The following EIF4G3 variants were observed in gnomAD, a reference collection of about 807,000 sequenced individuals.
EIF4G3 encodes the protein eukaryotic translation initiation factor 4 gamma 3, also known as eIF-4-gamma 3.
A neutral mutation model predicts 186.4 loss-of-function variants in EIF4G3; 34 were observed. That is an observed-to-expected ratio of 0.18 (90% CI 0.14 to 0.24). The LOEUF (loss-of-function observed/expected upper bound fraction) is 0.24, where lower values mean the gene tolerates loss of function less well. Ranked by LOEUF, EIF4G3 falls within the 10% of genes least tolerant of loss-of-function variation. EIF4G3 has a pLI of 1.00. For missense variants in EIF4G3, 1,536 were observed against 1,948.5 expected (o/e 0.79, Z 3.99); for synonymous variants, 673 against 679.5 (o/e 0.99, Z 0.15).
chr1:20,884,391 G>A (rs928094437), intron 19 of EIF4G3, among the ~76,000 whole-genome samples: 2 of 152,058 alleles, frequency 1.3e-5, no homozygotes, highest in Admixed American at 1.3e-4. Context: ...GAAAAAAAAG[G>A]ATAACATCTA....
chr1:20,838,051 T>C (rs2067275859), intron 30 of EIF4G3, among the ~76,000 whole-genome samples: 1 of 152,204 alleles, frequency 6.6e-6, no homozygotes, highest in Non-Finnish European at 1.5e-5. Context: ...GTTAACCTCA[T>C]TTTATGTCTA....
Position 21,079,641 on chromosome 1 carries a change from GCTA to G in EIF4G3, c.-196+9494_-196+9496del, listed in dbSNP as rs2095701886. ...TGAGGCTGCAGCGAGCCATGACTGA[GCTA>G]CTACACTCCAGCCTGGATGACACAG... is the stretch of plus-strand genomic sequence containing the variant. On this transcript the variant is annotated intron_variant, in intron 3 of 36. Transcript: ENST00000602326. Among the ~76,000 whole-genome samples the G allele has an allele frequency of 5.3e-5, 8 of 150,826 alleles. No individual in the cohort carries two copies. In the Admixed American group the frequency reaches 5.3e-4, roughly 10 times the overall value.
intron 4 of EIF4G3, among the ~76,000 whole-genome samples, chr1:21,006,885 A>G (rs1441522647): frequency 6.6e-6 from 1 of 152,196 alleles, no homozygotes; most frequent in Non-Finnish European, 1.5e-5. Context: ...TAAGCTAACA[A>G]AAATAATTAT....
At position 21,114,879 on chromosome 1, in the gene EIF4G3, T is replaced by C. The variant is rs186162823; in HGVS notation, c.-271-25666A>G. Among the ~76,000 whole-genome samples, 9 of 152,286 alleles carry C rather than the reference T, an allele frequency of 5.9e-5. No homozygotes were observed. In the East Asian group the frequency reaches 1.5e-3, roughly 26 times the overall value. ...TGCTAAGGTGCCAGCAGCAAATCAA[T>C]TGTGCAAGTCACTTTGCTTATGCCT... On this transcript the variant is annotated intron_variant, in intron 2 of 36. Transcript: ENST00000602326.
intron 4 of EIF4G3, among the ~76,000 whole-genome samples, chr1:21,008,765 TG>T (rs1362454885): frequency 2.0e-5 from 3 of 152,216 alleles, no homozygotes; most frequent in African/African-American, 7.2e-5. Context: ...TTTAATGACA[TG>T]GAATGAGTAA....
chr1:20,899,973 T>A, intron 15 of EIF4G3, 30 bp from the exon 16 acceptor site: 1 of 1,585,124 alleles, frequency 6.3e-7, no homozygotes, highest in Non-Finnish European at 8.5e-7. Context: ...AGAGGTTACA[T>A]TTTTTTCCAC....
chr1:21,125,278 C>G (rs2097009037), intron 2 of EIF4G3, among the ~76,000 whole-genome samples: 1 of 152,058 alleles, frequency 6.6e-6, no homozygotes, highest in Admixed American at 6.6e-5. Context: ...GATAAAGTTA[C>G]TGGGAAACGA....
intron 2 of EIF4G3, among the ~76,000 whole-genome samples, chr1:21,171,245 CTATTA>C (rs1321509876): frequency 6.6e-6 from 1 of 152,150 alleles, no homozygotes; most frequent in Admixed American, 6.5e-5. Flanking sequence ...AGTTACTTTC[CTATTA>C]TATTAGCTCA....
At chr1:20,922,578 T>C (rs909072197) in intron 14 of EIF4G3, among the ~76,000 whole-genome samples, 3 of 152,236 alleles carry the variant, frequency 2.0e-5, no homozygotes, top group African/African-American at 7.2e-5. Context: ...ATTACAGGCA[T>C]GAGCCACCAC....
chr1:21,149,053 G>A (rs2097506054), intron 2 of EIF4G3, among the ~76,000 whole-genome samples: 1 of 151,204 alleles, frequency 6.6e-6, no homozygotes. Context: ...CTATGATCAT[G>A]CCATTGTACT....
intron 7 of EIF4G3, among the ~76,000 whole-genome samples, chr1:20,993,756 T>G (rs765252058): frequency 2.0e-5 from 3 of 152,212 alleles, no homozygotes; most frequent in Non-Finnish European, 4.4e-5. Context: ...AAAAAACCAT[T>G]TCTGCCTTCA....
Position 20,935,183 on chromosome 1 carries a change from G to A in EIF4G3, c.1663+6308C>T, listed in dbSNP as rs536386913. Among the ~76,000 whole-genome samples the A allele has an allele frequency of 3.9e-5, 6 of 152,246 alleles. No homozygotes were observed. In the South Asian group the frequency reaches 8.3e-4, roughly 21 times the overall value. On this transcript the variant is annotated intron_variant, in intron 14 of 36. Coordinates refer to ENST00000602326, the MANE Select transcript of EIF4G3 (RefSeq NM_001391906.1). ...TCTGAAAGATTAATAGAAACATGAC[G>A]TATAAAGGAAGGGGCTGTAATTCTC... is the stretch of plus-strand genomic sequence containing the variant.
At chr1:21,053,437 C>CT (rs1157155942) in intron 3 of EIF4G3, among the ~76,000 whole-genome samples, 1 of 150,594 alleles carries the variant, frequency 6.6e-6, no homozygotes, top group African/African-American at 2.4e-5. Flanking sequence ...GCCCACCCCC[C>CT]GGCCAGCCGC....
chr1:21,054,502 A>T (rs1030080990), intron 3 of EIF4G3, among the ~76,000 whole-genome samples: 5 of 152,114 alleles, frequency 3.3e-5, no homozygotes, highest in Non-Finnish European at 7.4e-5. Flanking sequence ...AAAAACAAAA[A>T]CAAATTCCTG....
chr1:20,909,269 T>C (rs966162461), intron 14 of EIF4G3, among the ~76,000 whole-genome samples: 1 of 152,248 alleles, frequency 6.6e-6, no homozygotes, highest in Non-Finnish European at 1.5e-5. Context: ...GAGGAACTAT[T>C]CTGTGTAGAC....
At chr1:21,155,573 C>A (rs977482483) in intron 2 of EIF4G3, among the ~76,000 whole-genome samples, 9 of 152,060 alleles carry the variant, frequency 5.9e-5, no homozygotes, top group Admixed American at 3.9e-4. Flanking sequence ...CCTCACACCT[C>A]TAATCTCAGC....
intron 29 of EIF4G3, among the ~76,000 whole-genome samples, chr1:20,844,315 T>C (rs1200583853): frequency 1.3e-5 from 2 of 152,192 alleles, no homozygotes; most frequent in Non-Finnish European, 2.9e-5. Flanking sequence ...CACCTATTAT[T>C]TTTTGACTTT....
intron 3 of EIF4G3, among the ~76,000 whole-genome samples, chr1:21,064,005 G>C (rs982347288): frequency 6.6e-6 from 1 of 151,820 alleles, no homozygotes; most frequent in African/African-American, 2.4e-5. Flanking sequence ...TGGGATTACA[G>C]GCATGAGCCA....
intron 20 of EIF4G3, 57 bp from the exon 21 acceptor site, chr1:20,865,319 A>G (rs2077318254): frequency 2.5e-6 from 4 of 1,586,542 alleles, no homozygotes; most frequent in Non-Finnish European, 3.4e-6. Flanking sequence ...GACATTAAAA[A>G]TATCTGTTTG....
Sources: allele counts gnomAD v4.1 joint callset (sites outside exome capture counted in the v4.1 genomes callset), GRCh38; gene constraint gnomAD v4.1.1; transcripts MANE v1.5; gene names NCBI Gene and HGNC (gene_info 2026-07-23, HGNC 2026-07-21).